DOCK8: variants seen among roughly 807,000 people sequenced by gnomAD.
The protein encoded by DOCK8 is dedicator of cytokinesis 8.
Under a neutral mutation model 245.6 loss-of-function variants are expected in DOCK8, and 141 were observed. The observed-to-expected ratio is 0.57, with a 90% CI of 0.50 to 0.66. The LOEUF (loss-of-function observed/expected upper bound fraction) is 0.66, where lower values mean the gene tolerates loss of function less well. Among genes scored for constraint, DOCK8 ranks in the 30% least tolerant of loss-of-function variants. The pLI, the probability that DOCK8 is intolerant of heterozygous loss-of-function variation, is 0.00. For missense variants in DOCK8, 2,965 were observed against 2,603.4 expected, an observed-to-expected ratio of 1.14 and a Z score of -3.02; for synonymous variants, 1,168 against 970.2, an observed-to-expected ratio of 1.20 and a Z score of -3.79.
In DOCK8 at chr9:441,423, C is replaced by T. The variant is rs188141951; in HGVS notation, c.5355+6C>T. On this transcript the variant is annotated splice_donor_region_variant and intron_variant, in intron 41 of 47. Coordinates refer to ENST00000432829, the MANE Select transcript of DOCK8 (RefSeq NM_203447.4). ...TCGACAGCATCGTTAACAAGGTAGC[C>T]GGGGAGCCTGGCTGGCAGGTCTTGT... 409 of 1,614,098 alleles carry T rather than the reference C, an allele frequency of 2.5e-4. 4 individuals are homozygous for T. The East Asian group carries it at 6.6e-3, about 26-fold the overall frequency.
chr9:390,447 C>T lies in DOCK8; in HGVS notation c.2875-24C>T, dbSNP rs750953091. 5.6e-6 allele frequency: 9 copies of T among 1,605,072 alleles called. No homozygotes were observed. In the African/African-American group the frequency reaches 9.4e-5, roughly 17 times the overall value. ...ATAATAATAGCCTTTGTTTCACAGC[C>T]TAATTTTTGTGGTTCTTATTTAGCA... is the stretch of plus-strand genomic sequence containing the variant. On this transcript the variant is annotated intron_variant, in intron 23 of 47. Transcript: ENST00000432829.
At chr9:428,744 C>G (rs763557026) in intron 35 of DOCK8, among the ~76,000 whole-genome samples, 1 of 152,168 alleles carries the variant, frequency 6.6e-6, no homozygotes, top group Non-Finnish European at 1.5e-5. Context: ...TGGCCATTCG[C>G]TGAAGGTCTA....
chr9:376,065 G>A, intron 18 of DOCK8, 145 bp from the exon 19 acceptor site: 1 of 696,236 alleles, frequency 1.4e-6, no homozygotes, highest in Non-Finnish European at 2.6e-6. Context: ...CAGGGCTCCT[G>A]ACTCCAAGAA....
intron 4 of DOCK8, 150 bp downstream of exon 4, chr9:289,731 C>A: frequency 1.6e-6 from 1 of 636,788 alleles, no homozygotes; most frequent in South Asian, 2.0e-5. Flanking sequence ...TATCCCCACT[C>A]CATATCACAC....
At position 214,890 on chromosome 9, in the gene DOCK8, G is replaced by C. The variant is rs759410588; in HGVS notation, c.-87G>C. Reference sequence around the variant, plus strand: ...GACAGACGAGGTTTGCGCTTGGCTGGGCATGTTCCGCGGCTACTCTGCGGC... The same window carrying C: ...GACAGACGAGGTTTGCGCTTGGCTGCGCATGTTCCGCGGCTACTCTGCGGC... On this transcript the variant is annotated 5_prime_UTR_variant, in exon 1 of 48. Transcript: ENST00000432829. 1.2e-6 allele frequency: 2 copies of C among 1,602,852 alleles called. No individual in the cohort carries two copies. Among genetic ancestry groups the C allele is most frequent in the Admixed American group, 3.4e-5 (2 of 59,234 alleles).
chr9:248,840 G>T (rs919363700), intron 1 of DOCK8, among the ~76,000 whole-genome samples: 10 of 152,160 alleles, frequency 6.6e-5, no homozygotes, highest in African/African-American at 2.4e-4. Flanking sequence ...GCTTGAAGAA[G>T]TAAACCTAAC....
chr9:392,605 T>G (rs1455165051), intron 24 of DOCK8, among the ~76,000 whole-genome samples: 1 of 152,230 alleles, frequency 6.6e-6, no homozygotes, highest in Non-Finnish European at 1.5e-5. Flanking sequence ...CTCTGTTCTG[T>G]GAATCCTATA....
At position 465,220 on chromosome 9, in the gene DOCK8, C is replaced by G. The variant is rs750337775; in HGVS notation, c.*1001C>G. 6.6e-6 allele frequency: 1 copy of G among 152,612 alleles called. No individual in the cohort carries two copies. The highest frequency in any genetic ancestry group is 2.4e-5 in the African/African-American group (1 of 41,458). 9.5% of individuals were successfully genotyped at this position (152,612 alleles called of 1,614,324 possible). On this transcript the variant is annotated 3_prime_UTR_variant, in exon 48 of 48. Transcript: ENST00000432829. ...ATTTTTAATATGACTGTGACCTTGA[C>G]TGATAATAAAGATGTAATAAGAATT... is the stretch of plus-strand genomic sequence containing the variant.
At chr9:319,126 C>G (rs1444186798) in intron 7 of DOCK8, among the ~76,000 whole-genome samples, 1 of 151,318 alleles carries the variant, frequency 6.6e-6, no homozygotes, top group African/African-American at 2.4e-5. Context: ...GTGAGACCCC[C>G]TCTCTACCAA....
At chr9:254,245 T>C (rs1244291732) in intron 1 of DOCK8, among the ~76,000 whole-genome samples, 1 of 152,158 alleles carries the variant, frequency 6.6e-6, no homozygotes, top group East Asian at 1.9e-4. Context: ...ATTCCTCCAT[T>C]TGATACAGAT....
At chr9:325,865 C>T in intron 8 of DOCK8, 128 bp downstream of exon 8, 1 of 884,362 alleles carries the variant, frequency 1.1e-6, no homozygotes, top group South Asian at 1.4e-5. Context: ...TTGATGAGTC[C>T]AGTTCTGTTG....
chr9:310,960 G>A (rs1006979519), intron 5 of DOCK8, among the ~76,000 whole-genome samples: 1 of 152,102 alleles, frequency 6.6e-6, no homozygotes, highest in Non-Finnish European at 1.5e-5. Flanking sequence ...TGTCACTTGT[G>A]ATCATATTAG....
chr9:317,843 G>A (rs1012023128), intron 7 of DOCK8, among the ~76,000 whole-genome samples: 3 of 152,050 alleles, frequency 2.0e-5, no homozygotes, highest in Admixed American at 6.6e-5. Flanking sequence ...CCCTAAATAT[G>A]TTCTCATTCC....
At chr9:211,564 C>A (rs1260934664), upstream of DOCK8, among the ~76,000 whole-genome samples, 1 of 151,654 alleles carries the variant, frequency 6.6e-6, no homozygotes, top group African/African-American at 2.4e-5. Flanking sequence ...AAGGGCTGGA[C>A]CGGAATGAAA....
At chr9:401,750 C>T (rs893190944) in intron 26 of DOCK8, among the ~76,000 whole-genome samples, 1 of 152,066 alleles carries the variant, frequency 6.6e-6, no homozygotes, top group African/African-American at 2.4e-5. Context: ...TAACACCTCT[C>T]CTCCAAAAAA....
At chr9:286,422 TG>T (rs746702978) in intron 2 of DOCK8, 38 bp from the exon 3 acceptor site, 35 of 1,607,938 alleles carry the variant, frequency 2.2e-5, no homozygotes, top group Non-Finnish European at 2.4e-5. Context: ...ACCAGAAAAC[TG>T]GGTGAGAACC....
At chr9:250,511 GTTT>G (rs1207996249) in intron 1 of DOCK8, among the ~76,000 whole-genome samples, 1 of 152,130 alleles carries the variant, frequency 6.6e-6, no homozygotes, top group Non-Finnish European at 1.5e-5. Context: ...ACCATACTGG[GTTT>G]TTCCTTATTG....
At chr9:327,593 C>T (rs992635351) in intron 8 of DOCK8, among the ~76,000 whole-genome samples, 1 of 152,078 alleles carries the variant, frequency 6.6e-6, no homozygotes, top group Non-Finnish European at 1.5e-5. Context: ...GGCAGGGTTT[C>T]ACCATGTTGC....
At chr9:354,277 G>A (rs1039664224) in intron 14 of DOCK8, among the ~76,000 whole-genome samples, 1 of 152,102 alleles carries the variant, frequency 6.6e-6, no homozygotes, top group Non-Finnish European at 1.5e-5. Context: ...GGTTGCAGTG[G>A]GCCGAGATCA....
Sources: gnomAD v4.1 joint callset for allele counts (sites outside exome capture counted in the v4.1 genomes callset) on GRCh38, gnomAD v4.1.1 for gene constraint, MANE v1.5 for transcripts, NCBI Gene and HGNC (gene_info 2026-07-23, HGNC 2026-07-21) for gene names.